The following UBE3D variants were observed in gnomAD, a reference collection of about 807,000 sequenced individuals.
UBE3D encodes the protein ubiquitin protein ligase E3D, also known as E3 ubiquitin-protein ligase E3D.
UBE3D carries 48 observed loss-of-function variants against 49.6 expected under a neutral mutation model. The ratio of observed to expected loss-of-function variants is 0.97; its 90% CI spans 0.77 to 1.23. The LOEUF (loss-of-function observed/expected upper bound fraction) is 1.23. UBE3D is among the 50% of genes most tolerant of loss of function. The pLI, the probability that UBE3D is intolerant of heterozygous loss-of-function variation, is 0.00. For missense variants in UBE3D, 452 were observed against 468.4 expected (o/e 0.96, Z 0.32); for synonymous variants, 189 against 174.2 (o/e 1.08, Z -0.67).
intron 1 of UBE3D, 60 bp downstream of exon 1, chr6:83,065,582 C>T (rs1467089270): frequency 6.5e-7 from 1 of 1,546,200 alleles, no homozygotes; most frequent in Non-Finnish European, 8.9e-7. Flanking sequence ...CTCACCAGCC[C>T]CCGACCCCCG....
intron 3 of UBE3D, among the ~76,000 whole-genome samples, chr6:83,051,393 G>A (rs567523161): frequency 9.7e-4 from 148 of 152,130 alleles, no homozygotes; most frequent in Admixed American, 4.6e-3. Context: ...TACAGTTCCT[G>A]AACAGAAAAA....
At chr6:82,999,790 C>A (rs1198908924) in intron 8 of UBE3D, among the ~76,000 whole-genome samples, 1 of 152,182 alleles carries the variant, frequency 6.6e-6, no homozygotes, top group Non-Finnish European at 1.5e-5. Flanking sequence ...AGCCAAACTT[C>A]CTGAAACAGT....
chr6:82,887,389 G>GTTTTTGTTTTTTTTTTTTTT, the UBE3D span, among the ~76,000 whole-genome samples: 8 of 98,366 alleles, frequency 8.1e-5, no homozygotes, highest in African/African-American at 4.1e-4. Flanking sequence ...GACAGTAACA[G>GTTTTTGTTTTTTTTTTTTTT]TTTTTTTTTT....
chr6:83,004,950 C>T (rs1308520007), intron 8 of UBE3D, among the ~76,000 whole-genome samples: 2 of 152,218 alleles, frequency 1.3e-5, no homozygotes, highest in African/African-American at 2.4e-5. Context: ...GGAAATGACA[C>T]TAAAAGCACA....
intron 5 of UBE3D, among the ~76,000 whole-genome samples, chr6:83,027,335 C>T (rs1781534648): frequency 6.8e-6 from 1 of 147,876 alleles, no homozygotes; most frequent in Non-Finnish European, 1.5e-5. Flanking sequence ...ACTTGGAAGG[C>T]TGAGGCAGGA....
At chr6:82,884,359 T>C in the UBE3D span, among the ~76,000 whole-genome samples, 3 of 151,954 alleles carry the variant, frequency 2.0e-5, no homozygotes, top group Non-Finnish European at 4.4e-5. Flanking sequence ...CAGCACCAAA[T>C]GATGCTGGAG....
chr6:82,935,288 G>A (rs576670729), intron 9 of UBE3D, among the ~76,000 whole-genome samples: 1 of 152,106 alleles, frequency 6.6e-6, no homozygotes, highest in African/African-American at 2.4e-5. Flanking sequence ...TGAACTCAGA[G>A]CGAGTGCTCA....
chr6:82,891,353 A>G (rs1770975026), downstream of UBE3D, among the ~76,000 whole-genome samples: 1 of 152,218 alleles, frequency 6.6e-6, no homozygotes, highest in Admixed American at 6.5e-5. Flanking sequence ...TCTCCCACAA[A>G]AAGAATTATC....
At chr6:82,887,393 T>TTGTTTTG (rs1282836343), downstream of UBE3D, among the ~76,000 whole-genome samples, 1 of 135,064 alleles carries the variant, frequency 7.4e-6, no homozygotes, top group African/African-American at 3.0e-5. Context: ...GTAACAGTTT[T>TTGTTTTG]TTTTTTTTTT....
chr6:83,020,963 T>C (rs1455331426), intron 7 of UBE3D, among the ~76,000 whole-genome samples: 2 of 152,214 alleles, frequency 1.3e-5, no homozygotes, highest in Non-Finnish European at 2.9e-5. Context: ...TGGGCTATGA[T>C]TCTTGACTAT....
At chr6:83,041,388 C>T (rs1782659760) in intron 4 of UBE3D, among the ~76,000 whole-genome samples, 1 of 152,156 alleles carries the variant, frequency 6.6e-6, no homozygotes, top group Non-Finnish European at 1.5e-5. Context: ...TGTGTGGCTC[C>T]TGATTCAAAC....
intron 8 of UBE3D, among the ~76,000 whole-genome samples, chr6:82,975,058 C>A (rs966438688): frequency 2.0e-5 from 3 of 152,002 alleles, no homozygotes; most frequent in African/African-American, 7.2e-5. Context: ...ATAATGATAT[C>A]TAAAATATAT....
intron 8 of UBE3D, among the ~76,000 whole-genome samples, chr6:82,991,465 C>T (rs185763692): frequency 1.7e-3 from 263 of 152,198 alleles, no homozygotes; most frequent in African/African-American, 6.1e-3. Context: ...AGGTAGGGGT[C>T]AAGTAGTTTT....
chr6:82,933,105 A>G (rs1381137107), intron 9 of UBE3D, among the ~76,000 whole-genome samples: 2 of 152,176 alleles, frequency 1.3e-5, no homozygotes, highest in Non-Finnish European at 2.9e-5. Context: ...TACTAACAAA[A>G]TGGTTTATAA....
chr6:83,063,299 A>T (rs1784286058), intron 1 of UBE3D: 1 of 194,128 alleles, frequency 5.2e-6, no homozygotes, highest in Non-Finnish European at 1.1e-5. Flanking sequence ...CTTGTATCCC[A>T]GCTACTCCAG....
chr6:83,039,504 G>T (rs1175957638), intron 4 of UBE3D, among the ~76,000 whole-genome samples: 1 of 152,196 alleles, frequency 6.6e-6, no homozygotes, highest in Non-Finnish European at 1.5e-5. Context: ...GCTGATGTCT[G>T]AATCTGGGTC....
At chr6:82,982,281 C>T (rs1284994168) in intron 8 of UBE3D, among the ~76,000 whole-genome samples, 2 of 152,204 alleles carry the variant, frequency 1.3e-5, no homozygotes, top group East Asian at 1.9e-4. Context: ...TACTCTAAGA[C>T]AGAGTTATTT....
At chr6:83,047,114 G>C (rs1042121379) in intron 3 of UBE3D, among the ~76,000 whole-genome samples, 1 of 152,130 alleles carries the variant, frequency 6.6e-6, no homozygotes, top group Non-Finnish European at 1.5e-5. Context: ...TGAAGCCCCT[G>C]GTTGCGTCTG....
At chr6:82,898,678 G>T (rs544180362) in intron 9 of UBE3D, among the ~76,000 whole-genome samples, 4 of 151,970 alleles carry the variant, frequency 2.6e-5, no homozygotes, top group Non-Finnish European at 1.5e-5. Flanking sequence ...GGTCTGTTGG[G>T]GGGTAGGGGG....
Sources: allele counts gnomAD v4.1 joint callset (sites outside exome capture counted in the v4.1 genomes callset), GRCh38; gene constraint gnomAD v4.1.1; transcripts MANE v1.5; gene names NCBI Gene and HGNC (gene_info 2026-07-23, HGNC 2026-07-21).